Variants in GRM7 observed in about 807,000 individuals in gnomAD.
The protein encoded by GRM7 is glutamate metabotropic receptor 7.
In GRM7, 35 loss-of-function variants were observed where a neutral mutation model predicts 84.5. That is an observed-to-expected ratio of 0.41 (90% CI 0.32 to 0.55). The LOEUF (loss-of-function observed/expected upper bound fraction) is 0.55. GRM7 is among the 20% of genes least tolerant of loss of function. The pLI, the probability that GRM7 is intolerant of heterozygous loss-of-function variation, is 0.19. For missense variants in GRM7, 1,003 were observed against 1,194.6 expected (o/e 0.84, Z 2.36); for synonymous variants, 487 against 455.1 (o/e 1.07, Z -0.89).
intron 4 of GRM7, among the ~76,000 whole-genome samples, chr3:7,404,908 T>C (rs1366128046): frequency 1.3e-5 from 2 of 152,208 alleles, no homozygotes; most frequent in African/African-American, 4.8e-5. Flanking sequence ...ATAGACAATC[T>C]CTAACACCTA....
chr3:7,399,363 T>C (rs1012655151), intron 4 of GRM7, among the ~76,000 whole-genome samples: 3 of 152,116 alleles, frequency 2.0e-5, no homozygotes, highest in Non-Finnish European at 4.4e-5. Flanking sequence ...GTCACACTTA[T>C]TACTTCTTAG....
rs769346351 is a variant in GRM7 at position 7,579,338 on chromosome 3, C to T, written c.2432C>T (p.Thr811Ile). The change falls in exon 8 of 10, where the codon ACC (threonine) becomes ATC (isoleucine). Residue 811 changes from threonine (T) to isoleucine (I), a missense_variant. Thr to Ile is a moderately conservative substitution (Grantham distance 89). Around this residue, in one of 2 missense-constraint regions of GRM7, gnomAD observed 910 missense variants for 1,126.0 expected, o/e 0.81. Transcript: ENST00000357716. Reference sequence around the variant, plus strand: ...GCCTTCATTCCAATTTTTTTTGGCACCGCTCAATCAGCGGAAAAGGTAAGT... The same window carrying T: ...GCCTTCATTCCAATTTTTTTTGGCATCGCTCAATCAGCGGAAAAGGTAAGT... ...WLAFIPIFFGTAQSAEKLYIQ... is the reference protein window; with the variant it reads ...WLAFIPIFFGIAQSAEKLYIQ... The T allele has an allele frequency of 2.6e-6, 4 of 1,557,262 alleles. No individual in the cohort carries two copies. The highest frequency in any genetic ancestry group is 2.7e-5 in the African/African-American group (2 of 73,104).
chr3:7,649,872 A>G (rs1270941125), intron 8 of GRM7, among the ~76,000 whole-genome samples: 2 of 152,108 alleles, frequency 1.3e-5, no homozygotes, highest in Non-Finnish European at 2.9e-5. Context: ...CTTTAACAAG[A>G]AGAGATGTTC....
chr3:7,311,295 A>C (rs2125041328), intron 4 of GRM7, among the ~76,000 whole-genome samples: 1 of 152,288 alleles, frequency 6.6e-6, no homozygotes, highest in South Asian at 2.1e-4. Context: ...CCAGTAAATA[A>C]GTTTTCATTG....
intron 1 of GRM7, among the ~76,000 whole-genome samples, chr3:7,129,800 C>G (rs1693530791): frequency 6.6e-6 from 1 of 152,144 alleles, no homozygotes; most frequent in Non-Finnish European, 1.5e-5. Context: ...TGTCAACTTA[C>G]TATGTGAGAA....
intron 1 of GRM7, among the ~76,000 whole-genome samples, chr3:7,069,685 A>G (rs11918476): frequency 0.13 from 19,041 of 152,088 alleles, 1,710 homozygotes; most frequent in African/African-American, 0.26. Context: ...TGTTCTGGTT[A>G]TATAACTCTG....
chr3:7,031,095 A>G (rs530380246), intron 1 of GRM7, among the ~76,000 whole-genome samples: 1 of 152,334 alleles, frequency 6.6e-6, no homozygotes, highest in East Asian at 1.9e-4. Context: ...AAAAAGTGTG[A>G]AATAAATACC....
At chr3:7,638,240 T>A (rs578257083) in intron 8 of GRM7, among the ~76,000 whole-genome samples, 9 of 152,164 alleles carry the variant, frequency 5.9e-5, no homozygotes, top group African/African-American at 2.2e-4. Flanking sequence ...TGGGAATGCA[T>A]CCAATGATGA....
At chr3:7,190,199 G>A (rs1320902352) in intron 2 of GRM7, among the ~76,000 whole-genome samples, 1 of 152,114 alleles carries the variant, frequency 6.6e-6, no homozygotes, top group Non-Finnish European at 1.5e-5. Flanking sequence ...CTCTCTCTGT[G>A]CTTTCTTACT....
At chr3:7,638,556 A>T (rs766480396) in intron 8 of GRM7, among the ~76,000 whole-genome samples, 1 of 152,158 alleles carries the variant, frequency 6.6e-6, no homozygotes, top group African/African-American at 2.4e-5. Flanking sequence ...TTCCTGTAAG[A>T]TCACCTCTTT....
At chr3:7,098,881 C>A (rs1261690439) in intron 1 of GRM7, among the ~76,000 whole-genome samples, 2 of 151,878 alleles carry the variant, frequency 1.3e-5, no homozygotes, top group African/African-American at 2.4e-5. Flanking sequence ...ATAAATAATT[C>A]TTTCTTTCTC....
chr3:7,226,093 T>C (rs985828380), intron 2 of GRM7, among the ~76,000 whole-genome samples: 27 of 152,216 alleles, frequency 1.8e-4, no homozygotes, highest in African/African-American at 5.1e-4. Flanking sequence ...TACTCTCTGA[T>C]AGGTGCTGAG....
At chr3:7,377,777 A>T (rs1694416376) in intron 4 of GRM7, among the ~76,000 whole-genome samples, 1 of 152,156 alleles carries the variant, frequency 6.6e-6, no homozygotes, top group Admixed American at 6.6e-5. Context: ...ACATAATGGG[A>T]AATTATATGA....
At chr3:7,701,011 G>A (rs1379805652) in intron 9 of GRM7, among the ~76,000 whole-genome samples, 2 of 152,160 alleles carry the variant, frequency 1.3e-5, no homozygotes, top group Non-Finnish European at 2.9e-5. Flanking sequence ...TGAGGGCAGT[G>A]AAAAATGAAG....
At chr3:7,257,279 G>A (rs1457108147) in intron 2 of GRM7, among the ~76,000 whole-genome samples, 1 of 152,166 alleles carries the variant, frequency 6.6e-6, no homozygotes, top group Non-Finnish European at 1.5e-5. Flanking sequence ...TTGTCTACAT[G>A]TTGTCCATTA....
chr3:7,206,238 T>G lies in GRM7; in HGVS notation c.736+59570T>G, dbSNP rs1316153631. ...TAGGGAAATCAGAAGGTAATGAAAT[T>G]TAAATCTGCTAATTCTGCAACTTGT... On this transcript the variant is annotated intron_variant, in intron 2 of 9. Coordinates refer to ENST00000357716, the MANE Select transcript of GRM7 (RefSeq NM_000844.4). Among the ~76,000 whole-genome samples the G allele has an allele frequency of 3.3e-5, 5 of 152,320 alleles. No individual in the cohort carries two copies. In the South Asian group the frequency reaches 6.2e-4, roughly 19 times the overall value.
At chr3:7,088,047 T>C (rs1559431089) in intron 1 of GRM7, among the ~76,000 whole-genome samples, 1 of 152,168 alleles carries the variant, frequency 6.6e-6, no homozygotes, top group Non-Finnish European at 1.5e-5. Flanking sequence ...ACTTTTCCTA[T>C]CCATAAAATG....
intron 2 of GRM7, among the ~76,000 whole-genome samples, chr3:7,168,392 A>C (rs538809479): frequency 6.6e-6 from 1 of 152,150 alleles, no homozygotes; most frequent in Non-Finnish European, 1.5e-5. Context: ...GATTAGGTTT[A>C]GATGAGGTCA....
intron 9 of GRM7, among the ~76,000 whole-genome samples, chr3:7,732,095 G>T (rs1702352302): frequency 6.6e-6 from 1 of 152,094 alleles, no homozygotes; most frequent in African/African-American, 2.4e-5. Context: ...GCCCAGGCTG[G>T]AGTGCAGTGG....
Sources: gnomAD v4.1 joint callset for allele counts (sites outside exome capture counted in the v4.1 genomes callset) on GRCh38, gnomAD v4.1.1 for gene constraint, gnomAD v4.1.1 regional missense constraint, MANE v1.5 for transcripts, NCBI Gene and HGNC (gene_info 2026-07-23, HGNC 2026-07-21) for gene names.